OCA2: variants seen among roughly 807,000 people sequenced by gnomAD.
OCA2 encodes OCA2 melanosomal transmembrane protein.
OCA2 carries 77 observed loss-of-function variants against 100.2 expected under a neutral mutation model. That is an observed-to-expected ratio of 0.77 (90% CI 0.64 to 0.93). The LOEUF (loss-of-function observed/expected upper bound fraction) is 0.93. Ranked by LOEUF, OCA2 falls within the 40% of genes least tolerant of loss-of-function variation. The pLI is 0.00. For missense variants in OCA2, 1,062 were observed against 1,089.1 expected (o/e 0.98, Z 0.35); for synonymous variants, 432 against 439.2 (o/e 0.98, Z 0.21).
At chr15:27,992,499 C>T (rs1223971020) in intron 9 of OCA2, among the ~76,000 whole-genome samples, 6 of 152,324 alleles carry the variant, frequency 3.9e-5, no homozygotes, top group Middle Eastern at 3.4e-3. Flanking sequence ...ACAGCCATGG[C>T]GCTGAGAGTG....
intron 13 of OCA2, 23 bp from the exon 14 acceptor site, chr15:27,983,506 AAAG>A: frequency 6.2e-7 from 1 of 1,613,898 alleles, no homozygotes; most frequent in Non-Finnish European, 8.5e-7. Context: ...GAGGAAAATG[AAAG>A]TAGTCCCACT....
intron 23 of OCA2, among the ~76,000 whole-genome samples, chr15:27,817,258 C>T (rs1595459815): frequency 1.3e-5 from 2 of 152,132 alleles, no homozygotes; most frequent in Non-Finnish European, 2.9e-5. Context: ...AGAAGAAAAG[C>T]AACAATAAAC....
At chr15:28,053,048 A>C (rs182750387) in intron 2 of OCA2, among the ~76,000 whole-genome samples, 53 of 152,376 alleles carry the variant, frequency 3.5e-4, no homozygotes, top group Non-Finnish European at 1.8e-4. Context: ...CATGTAGATC[A>C]GAATGAAAAT....
intron 9 of OCA2, among the ~76,000 whole-genome samples, chr15:28,007,574 C>CA: frequency 6.6e-6 from 1 of 152,168 alleles, no homozygotes; most frequent in South Asian, 2.1e-4. Flanking sequence ...ACTAAAGATA[C>CA]AAAAAATTAG....
At chr15:27,741,859 T>C in the OCA2 span, among the ~76,000 whole-genome samples, 2 of 152,188 alleles carry the variant, frequency 1.3e-5, no homozygotes, top group African/African-American at 4.8e-5. Context: ...TACAAATTGT[T>C]TTAGATAGCA....
intron 19 of OCA2, among the ~76,000 whole-genome samples, chr15:27,915,420 G>T (rs1455245763): frequency 6.6e-6 from 1 of 152,094 alleles, no homozygotes; most frequent in East Asian, 1.9e-4. Context: ...TCAGTAAACG[G>T]ACAACCAATG....
At chr15:27,780,635 T>C (rs535843661) in intron 23 of OCA2, among the ~76,000 whole-genome samples, 106 of 152,340 alleles carry the variant, frequency 7.0e-4, no homozygotes, top group Middle Eastern at 3.4e-3. Flanking sequence ...AATTACAGGC[T>C]CCTTAGAGCC....
chr15:27,723,784 T>C, the OCA2 span, among the ~76,000 whole-genome samples: 2 of 152,218 alleles, frequency 1.3e-5, no homozygotes, highest in African/African-American at 4.8e-5. Context: ...AATAGAATCT[T>C]GAGGTGCTTG....
intron 2 of OCA2, among the ~76,000 whole-genome samples, chr15:28,069,536 C>A (rs1047511338): frequency 7.2e-6 from 1 of 138,086 alleles, no homozygotes; most frequent in African/African-American, 2.9e-5. Context: ...CCTCAGTCTG[C>A]CGAATGCCTG....
At chr15:28,014,322 C>A (rs1330832316) in intron 9 of OCA2, among the ~76,000 whole-genome samples, 2 of 152,194 alleles carry the variant, frequency 1.3e-5, no homozygotes, top group African/African-American at 4.8e-5. Context: ...GTAGACGGAA[C>A]AGATAATCAA....
chr15:27,926,334 T>TGG, intron 18 of OCA2, 80 bp from the exon 19 acceptor site: 1 of 1,498,264 alleles, frequency 6.7e-7, no homozygotes, highest in Non-Finnish European at 9.3e-7. Context: ...TGGTTGCCTT[T>TGG]TTCTTTATCA....
downstream of OCA2, among the ~76,000 whole-genome samples, chr15:27,754,507 G>A (rs1225053781): frequency 1.3e-5 from 2 of 152,340 alleles, no homozygotes; most frequent in African/African-American, 4.8e-5. Flanking sequence ...ATGAGGCAGA[G>A]CAGAGGAGAC....
chr15:27,909,613 A>C (rs747112116), intron 19 of OCA2, among the ~76,000 whole-genome samples: 22 of 152,194 alleles, frequency 1.4e-4, no homozygotes, highest in Non-Finnish European at 2.2e-4. Flanking sequence ...TGAAAAGCTA[A>C]TGTAGGATAA....
At chr15:27,735,257 C>A in the OCA2 span, among the ~76,000 whole-genome samples, 235 of 151,866 alleles carry the variant, frequency 1.5e-3, no homozygotes, top group Non-Finnish European at 3.0e-3. Flanking sequence ...TTGGAATTGA[C>A]CAAACAGAAG....
chr15:27,994,198 A>G (rs1220030708), intron 9 of OCA2, among the ~76,000 whole-genome samples: 2 of 152,230 alleles, frequency 1.3e-5, no homozygotes, highest in East Asian at 3.9e-4. Context: ...CAGCGGCAGC[A>G]TCAGATTCTC....
chr15:27,737,880 C>A, the OCA2 span, among the ~76,000 whole-genome samples: 1 of 152,180 alleles, frequency 6.6e-6, no homozygotes, highest in South Asian at 2.1e-4. Context: ...GGAGAATGGA[C>A]AAAAGGTGTG....
chr15:27,814,904 A>C (rs2034223208), intron 23 of OCA2, among the ~76,000 whole-genome samples: 1 of 147,030 alleles, frequency 6.8e-6, no homozygotes, highest in Non-Finnish European at 1.5e-5. Context: ...AGATAGATAG[A>C]TAGATAGATA....
chr15:27,950,518 A>G (rs111948523), intron 18 of OCA2: 46 of 518,164 alleles, frequency 8.9e-5, no homozygotes, highest in Non-Finnish European at 1.3e-4. Context: ...ATCAGCTCTC[A>G]GGTGTGGATA....
chr15:27,796,822 C>T (rs575092658), intron 23 of OCA2, among the ~76,000 whole-genome samples: 2 of 152,290 alleles, frequency 1.3e-5, no homozygotes, highest in South Asian at 2.1e-4. Context: ...TCCCATGCTC[C>T]CCCTTTTCCT....
Sources: allele counts gnomAD v4.1 joint callset (sites outside exome capture counted in the v4.1 genomes callset), GRCh38; gene constraint gnomAD v4.1.1; transcripts MANE v1.5; gene names NCBI Gene and HGNC (gene_info 2026-07-23, HGNC 2026-07-21).